NOS1AP: variants seen among roughly 807,000 people sequenced by gnomAD.
NOS1AP encodes carboxyl-terminal PDZ ligand of neuronal nitric oxide synthase protein.
Under a neutral mutation model 56.2 loss-of-function variants are expected in NOS1AP, and 21 were observed. The observed-to-expected ratio is 0.37, with a 90% confidence interval of 0.26 to 0.54. The LOEUF is 0.54. Among genes scored for constraint, NOS1AP ranks in the 20% least tolerant of loss-of-function variants. NOS1AP has a pLI of 0.84. For synonymous variants in NOS1AP, 270 were observed against 274.6 expected (o/e 0.98, Z 0.17); for missense variants, 522 against 657.8 (o/e 0.79, Z 2.26).
chr1:162,290,336 A>G (rs1385994258), intron 3 of NOS1AP, among the ~76,000 whole-genome samples: 2 of 150,970 alleles, frequency 1.3e-5, no homozygotes, highest in African/African-American at 2.4e-5. Context: ...TTCATTTTAC[A>G]CAATCTCTGA....
intron 2 of NOS1AP, among the ~76,000 whole-genome samples, chr1:162,280,980 T>C (rs1032894059): frequency 1.3e-5 from 2 of 152,198 alleles, no homozygotes; most frequent in African/African-American, 4.8e-5. Context: ...CCCCCAAGAT[T>C]CTGGTTCCAT....
At chr1:162,364,586 C>G in intron 8 of NOS1AP, 1 of 985,468 alleles carries the variant, frequency 1.0e-6, no homozygotes, top group Non-Finnish European at 1.2e-6. Flanking sequence ...GCCAACTGCT[C>G]TGCCTTAAGA....
intron 2 of NOS1AP, among the ~76,000 whole-genome samples, chr1:162,233,101 G>A (rs554503664): frequency 6.6e-6 from 1 of 152,278 alleles, no homozygotes; most frequent in South Asian, 2.1e-4. Context: ...AGGTTGCTGG[G>A]CCCCACCTTC....
At chr1:162,092,899 C>T (rs542600570) in intron 1 of NOS1AP, among the ~76,000 whole-genome samples, 10 of 152,272 alleles carry the variant, frequency 6.6e-5, no homozygotes, top group South Asian at 2.1e-4. Flanking sequence ...CTCCTTTAAG[C>T]GGCAAGTGTT....
At chr1:162,260,759 T>G (rs1426766175) in intron 2 of NOS1AP, among the ~76,000 whole-genome samples, 1 of 150,092 alleles carries the variant, frequency 6.7e-6, no homozygotes, top group East Asian at 1.9e-4. Flanking sequence ...CTCACTCTTT[T>G]GACTATTGTC....
chr1:162,117,229 T>G (rs1203981040), intron 1 of NOS1AP, among the ~76,000 whole-genome samples: 2 of 152,204 alleles, frequency 1.3e-5, no homozygotes, highest in Admixed American at 6.5e-5. Context: ...TCTCTCCAGA[T>G]ATTGCAGGTT....
intron 1 of NOS1AP, among the ~76,000 whole-genome samples, chr1:162,077,307 A>G (rs557777468): frequency 6.6e-6 from 1 of 152,252 alleles, no homozygotes; most frequent in South Asian, 2.1e-4. Flanking sequence ...TCCCTTTTGA[A>G]CAACATAGAA....
At chr1:162,094,176 GGGA>G (rs1212078636) in intron 1 of NOS1AP, among the ~76,000 whole-genome samples, 1 of 152,142 alleles carries the variant, frequency 6.6e-6, no homozygotes, top group Non-Finnish European at 1.5e-5. Flanking sequence ...TTACCCTCTT[GGGA>G]GGAGGAGGGG....
intron 2 of NOS1AP, among the ~76,000 whole-genome samples, chr1:162,261,500 G>GA (rs1305572996): frequency 4.5e-4 from 1 of 2,202 alleles, no homozygotes; most frequent in African/African-American, 2.2e-3. Context: ...GAGAGAGAGA[G>GA]AGAGAGAGAG....
chr1:162,149,111 C>CT (rs1649598739), intron 1 of NOS1AP, among the ~76,000 whole-genome samples: 1 of 152,144 alleles, frequency 6.6e-6, no homozygotes, highest in Non-Finnish European at 1.5e-5. Flanking sequence ...TCAGGCCAAC[C>CT]CAGCTCCATT....
intron 4 of NOS1AP, among the ~76,000 whole-genome samples, chr1:162,309,276 A>C (rs1655943433): frequency 6.6e-6 from 1 of 151,886 alleles, no homozygotes. Context: ...AACCATATCA[A>C]ACTACAAGCA....
chr1:162,160,852 A>G (rs1023814687), intron 2 of NOS1AP, among the ~76,000 whole-genome samples: 1 of 152,196 alleles, frequency 6.6e-6, no homozygotes, highest in Non-Finnish European at 1.5e-5. Context: ...GCGGCTTAAC[A>G]CAAACTTACA....
chr1:162,124,089 A>G lies in NOS1AP; in HGVS notation c.106-30316A>G, dbSNP rs531453993. ...TGTTATATCTCTTTAGTCTTCTTTAATGTGTAGTAGTTTCATTTTTCTTTG... is the reference window on the plus strand; with the variant it reads ...TGTTATATCTCTTTAGTCTTCTTTAGTGTGTAGTAGTTTCATTTTTCTTTG... On this transcript the variant is annotated intron_variant, in intron 1 of 9. Coordinates refer to ENST00000361897, the MANE Select transcript of NOS1AP (RefSeq NM_014697.3). Among the ~76,000 whole-genome samples, 8 of 152,194 alleles carry G rather than the reference A, an allele frequency of 5.3e-5. No homozygotes were observed. In the South Asian group the frequency reaches 1.5e-3, roughly 28 times the overall value.
intron 6 of NOS1AP, among the ~76,000 whole-genome samples, chr1:162,345,043 A>G (rs1657239306): frequency 6.6e-6 from 1 of 152,208 alleles, no homozygotes; most frequent in Non-Finnish European, 1.5e-5. Context: ...AAAATCTTAA[A>G]CAAATGGAAA....
At chr1:162,322,976 G>A (rs1302694235) in intron 4 of NOS1AP, among the ~76,000 whole-genome samples, 1 of 152,230 alleles carries the variant, frequency 6.6e-6, no homozygotes, top group Non-Finnish European at 1.5e-5. Flanking sequence ...TTCTAATGCA[G>A]ATACTATAGT....
intron 3 of NOS1AP, among the ~76,000 whole-genome samples, chr1:162,297,031 G>C (rs924670279): frequency 3.3e-5 from 5 of 152,222 alleles, no homozygotes; most frequent in African/African-American, 1.2e-4. Context: ...ACAGCCCCTT[G>C]CTGGCTCCCC....
rs532108723 is a variant in NOS1AP, at chr1:162,255,051, CA to C, written c.178-32292del. Among the ~76,000 whole-genome samples the C allele has an allele frequency of 1.7e-4, 26 of 152,268 alleles. 1 individual carries two copies. Among genetic ancestry groups the C allele is most frequent in the African/African-American group, 5.1e-4 (21 of 41,544 alleles). ...TTTCTTCAAAAGGTCTTTCAAGAAG[CA>C]GTTAGAGCTCCAGGAATAGTACAGC... On this transcript the variant is annotated intron_variant, in intron 2 of 9. Transcript: ENST00000361897.
Position 162,367,353 on chromosome 1 carries a change from CA to C in NOS1AP, c.1408del (p.Thr470ArgfsTer19). ...SGIASEYESN[T>X]DESEERDSWS... ...GCATCGCCTCGGAGTACGAGTCCAA[CA>C]CGGACGAGAGCGAGGAGCGCGACTC... On this transcript the variant is annotated frameshift_variant, in exon 10 of 10. Transcript: ENST00000361897. LOFTEE classifies it high-confidence loss of function. The surrounding 1 kb of genome is among the most constrained non-coding windows in gnomAD (Gnocchi z 6.5). The C allele has an allele frequency of 6.2e-7, 1 of 1,612,784 alleles. No individual in the cohort carries two copies. Among genetic ancestry groups the C allele is most frequent in the Non-Finnish European group, 8.5e-7 (1 of 1,179,692 alleles).
intron 4 of NOS1AP, among the ~76,000 whole-genome samples, chr1:162,332,564 A>T (rs900028954): frequency 6.6e-6 from 1 of 152,158 alleles, no homozygotes; most frequent in Non-Finnish European, 1.5e-5. Context: ...AGGAACTAAG[A>T]GTATCTTAGT....
Sources: allele counts gnomAD v4.1 joint callset (sites outside exome capture counted in the v4.1 genomes callset), GRCh38; gene constraint gnomAD v4.1.1; non-coding constraint Gnocchi (gnomAD v3.1); transcripts MANE v1.5; gene names NCBI Gene and HGNC (gene_info 2026-07-23, HGNC 2026-07-21).